The following PCDH12 variants were observed in gnomAD, a reference collection of about 807,000 sequenced individuals.
The protein encoded by PCDH12 is protocadherin 12.
A neutral mutation model predicts 70.9 loss-of-function variants in PCDH12; 45 were observed. That is an observed-to-expected ratio of 0.63 (90% CI 0.50 to 0.81). The LOEUF (loss-of-function observed/expected upper bound fraction) is 0.81. Among genes scored for constraint, PCDH12 ranks in the 40% least tolerant of loss-of-function variants. The probability of loss-of-function intolerance (pLI) is 0.00; values close to 1 mark genes in which losing one functional copy is unlikely to be tolerated. For synonymous variants in PCDH12, 567 were observed against 626.0 expected (o/e 0.91, Z 1.41); for missense variants, 1,370 against 1,491.7 (o/e 0.92, Z 1.34).
chr5:141,955,786 G>A lies in PCDH12; in HGVS notation c.2066C>T (p.Ala689Val). ...DQGSPPLQTR[A>V]LLRVMFVTSV... ...GGTGACAAACATGACCCTCAACAGG[G>A]CTCGGGTCTGTAAGGGGGGGCTTCC... Residue 689 changes from alanine to valine, a missense_variant, in exon 1 of 4, where the codon GCC becomes GTC. Ala to Val is a moderately conservative substitution (Grantham distance 64). Transcript: ENST00000231484. This position sits in a 1 kb window ranked among gnomAD's most constrained non-coding sequence, Gnocchi z 5.5. 2.5e-6 allele frequency: 4 copies of A among 1,613,848 alleles called. No individual in the cohort carries two copies. The highest frequency in any genetic ancestry group is 3.4e-6 in the Non-Finnish European group (4 of 1,179,888).
chr5:141,945,631 C>G lies in PCDH12; in HGVS notation c.3305G>C (p.Gly1102Ala). The G allele has an allele frequency of 3.7e-6, 6 of 1,614,238 alleles. No individual in the cohort carries two copies. Among genetic ancestry groups the G allele is most frequent in the Non-Finnish European group, 5.1e-6 (6 of 1,180,048 alleles). The change falls in exon 4 of 4, where the codon GGC (glycine) becomes GCC (alanine). Residue 1102 changes from glycine (G) to alanine (A), a missense_variant. Gly to Ala is a moderately conservative substitution (Grantham distance 60, BLOSUM62 0). Transcript: ENST00000231484. The stretch of plus-strand genomic sequence containing the variant: ...GACAAAGGTGCTGGCCAGCCTCGTG[C>G]CTGTTGGGCTCAGCTCTGGTGCCTC... The part of the protein sequence containing the change: ...KAEAPELSPT[G>A]TRLASTFVSE...
At position 141,949,537 on chromosome 5, in the gene PCDH12, G is replaced by GT. The variant is rs1410902214; in HGVS notation, c.3024_3025insA (p.Gln1009ThrfsTer14). 6.2e-7 allele frequency: 1 copy of GT among 1,614,178 alleles called. No individual in the cohort carries two copies. The highest frequency in any genetic ancestry group is 8.5e-7 in the Non-Finnish European group (1 of 1,180,026). Reference sequence around the variant, plus strand: ...CCTTCCTCCTGTTCTGGGTCTGTCTGGCCTCCAGCCCTTGCACTTGGGCCA... The same window carrying GT: ...CCTTCCTCCTGTTCTGGGTCTGTCTGTGCCTCCAGCCCTTGCACTTGGGCCA... On this transcript the variant is annotated frameshift_variant, in exon 3 of 4. Transcript: ENST00000231484. LOFTEE classifies it high-confidence loss of function.
intron 1 of PCDH12, 124 bp downstream of exon 1, chr5:141,954,848 C>G: frequency 2.4e-6 from 3 of 1,276,420 alleles, no homozygotes; most frequent in Non-Finnish European, 3.2e-6. Context: ...CTACCCAAAG[C>G]ATCAGAAAGT....
chr5:141,955,136 A>T lies in PCDH12; in HGVS notation c.2716T>A (p.Ser906Thr). Residue 906 changes from serine to threonine, a missense_variant, in exon 1 of 4, where the codon TCC becomes ACC. By Grantham distance (58) the Ser-to-Thr change is moderately conservative (BLOSUM62 1). Coordinates refer to ENST00000231484, the MANE Select transcript of PCDH12 (RefSeq NM_016580.4). The surrounding 1 kb of genome is among the most constrained non-coding windows in gnomAD (Gnocchi z 5.5). ...SEEAPQRPPA[S>T]SATLRRQRHL... The stretch of plus-strand genomic sequence containing the variant: ...CGCTGCCGTCTCAGGGTTGCAGAGG[A>T]GGCTGGTGGCCTCTGTGGGGCTTCC... 3.1e-6 allele frequency: 5 copies of T among 1,614,122 alleles called. No individual in the cohort carries two copies. Among genetic ancestry groups the T allele is most frequent in the Non-Finnish European group, 4.2e-6 (5 of 1,180,002 alleles).
Position 141,957,246 on chromosome 5 carries a change from C to T in PCDH12, c.606G>A (p.Leu202=), listed in dbSNP as rs778327937. Residue 202 remains leucine (L), a synonymous_variant, in exon 1 of 4, where the codon CTG becomes CTA. Transcript: ENST00000231484. The surrounding 1 kb of genome is among the most constrained non-coding windows in gnomAD (Gnocchi z 4.3). ...KHAELIVVKE[L]DREIHSFFDL... ...CAAAAAATGAATGGATTTCCCTGTC[C>T]AGCTCCTTCACCACTATGAGTTCTG... 1.2e-6 allele frequency: 2 copies of T among 1,614,118 alleles called. No homozygotes were observed. Among genetic ancestry groups the T allele is most frequent in the Non-Finnish European group, 1.7e-6 (2 of 1,179,996 alleles).
At position 141,944,378 on chromosome 5, in the gene PCDH12, G is replaced by C. The variant is rs1007456471; in HGVS notation, c.*1003C>G. 3.9e-4 allele frequency: 60 copies of C among 152,230 alleles called. No individual in the cohort carries two copies. Among genetic ancestry groups the C allele is most frequent in the African/African-American group, 1.4e-3 (57 of 41,432 alleles). 9.4% of individuals were successfully genotyped at this position (152,230 alleles called of 1,614,324 possible). A position where few individuals can be genotyped will look rare whatever the true frequency, so the allele number is the denominator to read the frequency against. On this transcript the variant is annotated 3_prime_UTR_variant, in exon 4 of 4. Coordinates refer to ENST00000231484, the MANE Select transcript of PCDH12 (RefSeq NM_016580.4). ...TGTGCTTGGGAATGTAGAGAGGTGC[G>C]GGCCTGGATGGCTTTGGAAATGTTC...
chr5:141,947,855 C>T lies in PCDH12; in HGVS notation c.3130+1577G>A, dbSNP rs116016599. Among the ~76,000 whole-genome samples, 985 of 152,232 alleles carry T rather than the reference C, an allele frequency of 6.5e-3. 3 individuals are homozygous for T. The highest frequency in any genetic ancestry group is 8.8e-3 in the Non-Finnish European group (600 of 67,998). Reference sequence around the variant, plus strand: ...TCTGCCCCTCCTCTTTCCTTACCCCCAACTCCTTACAGTGCCCCTGTGTTC... The same window carrying T: ...TCTGCCCCTCCTCTTTCCTTACCCCTAACTCCTTACAGTGCCCCTGTGTTC... On this transcript the variant is annotated intron_variant, in intron 3 of 3. Coordinates refer to ENST00000231484, the MANE Select transcript of PCDH12 (RefSeq NM_016580.4).
At chr5:141,950,914 T>G (rs748608598) in intron 2 of PCDH12, among the ~76,000 whole-genome samples, 2 of 152,152 alleles carry the variant, frequency 1.3e-5, no homozygotes, top group Non-Finnish European at 2.9e-5. Context: ...GGAAATGGGA[T>G]GGGTTCTGTT....
chr5:141,943,851 T>C lies in PCDH12; in HGVS notation c.*1530A>G, dbSNP rs1483354225. On this transcript the variant is annotated 3_prime_UTR_variant, in exon 4 of 4. Transcript: ENST00000231484. The stretch of plus-strand genomic sequence containing the variant: ...ACTCTGCCCCTGAAACTCATAACTT[T>C]GGGGAGCCTCATTTTCTTCATCTGT... The C allele has an allele frequency of 6.6e-6, 1 of 152,140 alleles. No homozygotes were observed. The highest frequency in any genetic ancestry group is 1.5e-5 in the Non-Finnish European group (1 of 68,026). 9.4% of individuals were successfully genotyped at this position (152,140 alleles called of 1,614,324 possible).
At chr5:141,951,670 G>T in intron 1 of PCDH12, 80 bp from the exon 2 acceptor site, 1 of 1,022,062 alleles carries the variant, frequency 9.8e-7, no homozygotes, top group Non-Finnish European at 1.6e-6. Flanking sequence ...CCTCAATGCC[G>T]GTGCTTTCTT....
Position 141,955,122 on chromosome 5 carries a change from C to G in PCDH12, c.2730G>C (p.Leu910=). The G allele has an allele frequency of 6.2e-7, 1 of 1,614,236 alleles. No individual in the cohort carries two copies. Among genetic ancestry groups the G allele is most frequent in the Non-Finnish European group, 8.5e-7 (1 of 1,180,042 alleles). The change falls in exon 1 of 4, where the codon CTG becomes CTC. Residue 910 remains leucine, a synonymous_variant. Coordinates refer to ENST00000231484, the MANE Select transcript of PCDH12 (RefSeq NM_016580.4). This position sits in a 1 kb window ranked among gnomAD's most constrained non-coding sequence, Gnocchi z 5.5. ...PQRPPASSAT[L]RRQRHLNGKV... ...TGCCATTGAGATGTCGCTGCCGTCTCAGGGTTGCAGAGGAGGCTGGTGGCC... is the reference window on the plus strand; with the variant it reads ...TGCCATTGAGATGTCGCTGCCGTCTGAGGGTTGCAGAGGAGGCTGGTGGCC...
intron 1 of PCDH12, among the ~76,000 whole-genome samples, chr5:141,953,836 T>C (rs1262080446): frequency 1.3e-5 from 2 of 152,158 alleles, no homozygotes; most frequent in African/African-American, 4.8e-5. Context: ...GAGGAGGGAA[T>C]AGGGAAGGAA....
At chr5:141,947,337 C>CT (rs1387774734) in intron 3 of PCDH12, among the ~76,000 whole-genome samples, 1 of 152,240 alleles carries the variant, frequency 6.6e-6, no homozygotes, top group Non-Finnish European at 1.5e-5. Flanking sequence ...CCTTGAGACT[C>CT]TGAGGCTATA....
chr5:141,956,660 C>G lies in PCDH12; in HGVS notation c.1192G>C (p.Gly398Arg). 1 of 1,614,148 alleles carries G rather than the reference C, an allele frequency of 6.2e-7. No homozygotes were observed. The highest frequency in any genetic ancestry group is 1.6e-4 in the Middle Eastern group (1 of 6,062). ...LVHCWLSQEL[G>R]HFRLKRTNGN... ...TTAGTTCTTTTCAGCCTGAAGTGGC[C>G]CAGCTCTTGGCTCAGCCAGCAGTGG... The change falls in exon 1 of 4, where the codon GGC (glycine) becomes CGC (arginine). Residue 398 changes from glycine (G) to arginine (R), a missense_variant. By Grantham distance (125) the Gly-to-Arg change is moderately radical. Coordinates refer to ENST00000231484, the MANE Select transcript of PCDH12 (RefSeq NM_016580.4).
rs370982872 is a variant in PCDH12 at position 141,957,189 on chromosome 5, G to C, written c.663C>G (p.Asn221Lys). The change falls in exon 1 of 4, where the codon AAC (asparagine) becomes AAG (lysine). Residue 221 changes from asparagine (N) to lysine (K), a missense_variant. Physicochemically the swap from Asn to Lys is moderately conservative, Grantham distance 94. Transcript: ENST00000231484. This position sits in a 1 kb window ranked among gnomAD's most constrained non-coding sequence, Gnocchi z 4.3. ...DLVLTAYDNG[N>K]PPKSGTSLVK... ...CCAAGCTGGTACCTGACTTGGGGGG[G>C]TTCCCATTGTCATAGGCAGTTAACA... The C allele has an allele frequency of 1.2e-6, 2 of 1,614,160 alleles. No homozygotes were observed. The highest frequency in any genetic ancestry group is 1.7e-6 in the Non-Finnish European group (2 of 1,180,028).
At position 141,945,423 on chromosome 5, in the gene PCDH12, C is replaced by G. The variant is rs568393897; in HGVS notation, c.3513G>C (p.Glu1171Asp). ...QGDPGGKTGT[E>D]GKSRGSSSSS... ...TGCTGCTGCTGCCTCTGCTCTTGCC[C>G]TCAGTCCCCGTCTTTCCACCTGGGT... is the stretch of plus-strand genomic sequence containing the variant. Residue 1171 changes from glutamate (E) to aspartate (D), a missense_variant, in exon 4 of 4, where the codon GAG (glutamate) becomes GAC (aspartate). Physicochemically the swap from Glu to Asp is conservative, Grantham distance 45. Coordinates refer to ENST00000231484, the MANE Select transcript of PCDH12 (RefSeq NM_016580.4). 6.9e-5 allele frequency: 106 copies of G among 1,539,984 alleles called. No individual in the cohort carries two copies. In the East Asian group the frequency reaches 2.3e-3, roughly 33 times the overall value.
At position 141,955,055 on chromosome 5, in the gene PCDH12, G is replaced by A. The variant is rs755272537; in HGVS notation, c.2797C>T (p.Arg933Trp). 12 of 1,614,112 alleles carry A rather than the reference G, an allele frequency of 7.4e-6. No individual in the cohort carries two copies. The highest frequency in any genetic ancestry group is 9.3e-6 in the Non-Finnish European group (11 of 1,180,054). ...EKESGPRQILRSLVRLSVAAF... is the reference protein window; with the variant it reads ...EKESGPRQILWSLVRLSVAAF... ...GCCACAGACAGCCGGACCAGGCTCC[G>A]CAGGATCTGACGGGGCCCTGATTCT... The change falls in exon 1 of 4, where the codon CGG (arginine) becomes TGG (tryptophan). Residue 933 changes from arginine (R) to tryptophan (W), a missense_variant. By Grantham distance (101) the Arg-to-Trp change is moderately radical. Coordinates refer to ENST00000231484, the MANE Select transcript of PCDH12 (RefSeq NM_016580.4). The surrounding 1 kb of genome is among the most constrained non-coding windows in gnomAD (Gnocchi z 5.5).
rs1232165198 is a variant in PCDH12 at position 141,955,845 on chromosome 5, A to C, written c.2007T>G (p.Ser669Arg). 1 of 1,613,444 alleles carries C rather than the reference A, an allele frequency of 6.2e-7. No individual in the cohort carries two copies. The change falls in exon 1 of 4, where the codon AGT (serine) becomes AGG (arginine). Residue 669 changes from serine to arginine, a missense_variant. Ser to Arg is a moderately radical substitution (Grantham distance 110). Coordinates refer to ENST00000231484, the MANE Select transcript of PCDH12 (RefSeq NM_016580.4). The surrounding 1 kb of genome is among the most constrained non-coding windows in gnomAD (Gnocchi z 5.5). ...NVTNASSLIG[S>R]EWELEIVVED... ...CTACTACTATCTCCAGCTCCCACTCACTCCCAATGAGGCTGCTGGCATTGG... is the reference window on the plus strand; with the variant it reads ...CTACTACTATCTCCAGCTCCCACTCCCTCCCAATGAGGCTGCTGGCATTGG...
rs1753027923 is a variant in PCDH12, at chr5:141,949,448, C to G, written c.3114G>C (p.Leu1038=). The G allele has an allele frequency of 6.2e-7, 1 of 1,613,456 alleles. No individual in the cohort carries two copies. Among genetic ancestry groups the G allele is most frequent in the African/African-American group, 1.3e-5 (1 of 74,872 alleles). The change falls in exon 3 of 4, where the codon CTG becomes CTC. Residue 1038 remains leucine, a synonymous_variant. Transcript: ENST00000231484. The part of the protein sequence containing the change: ...KQLLEEELSS[L]LDPSTGLALD... ...GGTCCCTACCTGTGCTGGGGTCCAG[C>G]AGACTTGACAGCTCTTCTTCTAGCA...
Sources: allele counts gnomAD v4.1 joint callset (sites outside exome capture counted in the v4.1 genomes callset), GRCh38; gene constraint gnomAD v4.1.1; non-coding constraint Gnocchi (gnomAD v3.1); transcripts MANE v1.5; gene names NCBI Gene and HGNC (gene_info 2026-07-23, HGNC 2026-07-21).